The following SNX29 variants were observed in gnomAD, a reference collection of about 807,000 sequenced individuals.
SNX29 encodes sorting nexin-29.
In SNX29, 78 loss-of-function variants were observed where a neutral mutation model predicts 102.1. The ratio of observed to expected loss-of-function variants is 0.76; its 90% CI spans 0.64 to 0.92. The LOEUF is 0.92. Among genes scored for constraint, SNX29 ranks in the 40% least tolerant of loss-of-function variants. The probability of loss-of-function intolerance (pLI) is 0.00; values close to 1 mark genes in which losing one functional copy is unlikely to be tolerated. For synonymous variants in SNX29, 580 were observed against 414.5 expected, an observed-to-expected ratio of 1.40 and a Z score of -4.85; for missense variants, 1,280 against 1,061.7, an observed-to-expected ratio of 1.21 and a Z score of -2.86.
intron 15 of SNX29, among the ~76,000 whole-genome samples, chr16:12,341,032 C>A (rs573329132): frequency 1.3e-5 from 2 of 152,232 alleles, no homozygotes; most frequent in Non-Finnish European, 2.9e-5. Context: ...CTTGAAGAGA[C>A]GTGATGATTA....
rs1246878628 is a variant in SNX29, at chr16:12,525,709, C to CA, written c.2318+876dup. Among the ~76,000 whole-genome samples, 727 of 121,406 alleles carry CA rather than the reference C, an allele frequency of 6.0e-3. 7 individuals carry two copies. The highest frequency in any genetic ancestry group is 0.022 in the African/African-American group (679 of 30,426). 79.6% of individuals were successfully genotyped at this position (121,406 alleles called of 152,430 possible). A position where few individuals can be genotyped will look rare whatever the true frequency, so the allele number is the denominator to read the frequency against. On this transcript the variant is annotated intron_variant, in intron 20 of 20. Coordinates refer to ENST00000566228, the MANE Select transcript of SNX29 (RefSeq NM_032167.5). ...TCCACGCCCCCCCCACCCCCCCCCC[C>CA]AAAAAAAAGAAAAAATCATTACACT...
intron 14 of SNX29, among the ~76,000 whole-genome samples, chr16:12,217,322 C>G (rs2077350228): frequency 6.6e-6 from 1 of 152,196 alleles, no homozygotes; most frequent in Admixed American, 6.5e-5. Flanking sequence ...GCCCAGCCCC[C>G]AACACCTGCT....
chr16:12,146,993 G>A (rs987587674), intron 13 of SNX29, among the ~76,000 whole-genome samples: 4 of 152,310 alleles, frequency 2.6e-5, no homozygotes, highest in South Asian at 2.1e-4. Flanking sequence ...GAGCAATCAC[G>A]TACAAGGGAG....
intron 18 of SNX29, among the ~76,000 whole-genome samples, chr16:12,413,839 A>G (rs1476028370): frequency 6.6e-6 from 1 of 152,156 alleles, no homozygotes; most frequent in African/African-American, 2.4e-5. Context: ...GGTGGTGTCC[A>G]TTGTTCTAAA....
intron 8 of SNX29, among the ~76,000 whole-genome samples, chr16:12,054,577 G>A (rs77382561): frequency 1.3e-5 from 2 of 152,130 alleles, no homozygotes; most frequent in African/African-American, 2.4e-5. Context: ...ATGGCTTTTC[G>A]GCCCTGGGCC....
chr16:12,043,471 T>A (rs552638675), intron 5 of SNX29, among the ~76,000 whole-genome samples: 1 of 151,932 alleles, frequency 6.6e-6, no homozygotes, highest in African/African-American at 2.4e-5. Context: ...CCTCCCACCT[T>A]AGCCTCCTGA....
In SNX29 at chr16:12,570,645, G is replaced by A. The variant is rs1432834630; in HGVS notation, c.*2016G>A. On this transcript the variant is annotated 3_prime_UTR_variant, in exon 21 of 21. Transcript: ENST00000566228. Reference sequence around the variant, plus strand: ...TTGGATAAAGGAACCTCCCCCATCTGTGACATTCCCTTGGGCCCAGGCTTA... The same window carrying A: ...TTGGATAAAGGAACCTCCCCCATCTATGACATTCCCTTGGGCCCAGGCTTA... 1 of 232,068 alleles carries A rather than the reference G, an allele frequency of 4.3e-6. No individual in the cohort carries two copies. The highest frequency in any genetic ancestry group is 2.2e-5 in the African/African-American group (1 of 45,228). 14.4% of individuals were successfully genotyped at this position (232,068 alleles called of 1,614,324 possible).
At chr16:12,164,334 T>C (rs1200692375) in intron 13 of SNX29, among the ~76,000 whole-genome samples, 1 of 152,194 alleles carries the variant, frequency 6.6e-6, no homozygotes, top group African/African-American at 2.4e-5. Flanking sequence ...TTCTGGTTAA[T>C]AGAGTACTAG....
intron 20 of SNX29, among the ~76,000 whole-genome samples, chr16:12,568,244 G>A (rs1257675107): frequency 2.0e-5 from 3 of 150,914 alleles, no homozygotes; most frequent in South Asian, 4.2e-4. Flanking sequence ...GACCGGAACG[G>A]TGGTACCATG....
At chr16:12,431,454 G>GT (rs947621954) in intron 18 of SNX29, among the ~76,000 whole-genome samples, 10 of 118,316 alleles carry the variant, frequency 8.5e-5, no homozygotes, top group East Asian at 2.5e-4. Flanking sequence ...TTTTGTTTTT[G>GT]TTTTTTTGTT....
intron 13 of SNX29, among the ~76,000 whole-genome samples, chr16:12,142,757 G>T (rs1219602287): frequency 1.3e-5 from 2 of 151,804 alleles, no homozygotes; most frequent in Non-Finnish European, 2.9e-5. Flanking sequence ...GTAGAGACGG[G>T]GTTTCATGTT....
intron 13 of SNX29, among the ~76,000 whole-genome samples, chr16:12,131,772 G>T (rs2054477603): frequency 6.6e-6 from 1 of 152,230 alleles, no homozygotes; most frequent in Admixed American, 6.5e-5. Context: ...TCTCTGTGCT[G>T]TTAGATGCTG....
At chr16:12,544,210 G>C (rs189520621) in intron 20 of SNX29, among the ~76,000 whole-genome samples, 2 of 152,332 alleles carry the variant, frequency 1.3e-5, no homozygotes, top group East Asian at 1.9e-4. Flanking sequence ...TCAGAACCGT[G>C]ACAGCCGGTT....
intron 11 of SNX29, among the ~76,000 whole-genome samples, chr16:12,091,800 C>A (rs350230): frequency 2.3e-3 from 341 of 149,244 alleles, no homozygotes; most frequent in African/African-American, 8.1e-3. Context: ...AAAAGGGACC[C>A]CAGAGACCTT....
rs982003163 is a variant in SNX29 at position 12,568,694 on chromosome 16, C to T, written c.*65C>T. 2.3e-5 allele frequency: 37 copies of T among 1,575,688 alleles called. No homozygotes were observed. Among genetic ancestry groups the T allele is most frequent in the South Asian group, 9.0e-5 (8 of 88,544 alleles). On this transcript the variant is annotated 3_prime_UTR_variant, in exon 21 of 21. Transcript: ENST00000566228. ...CAGCTGCGTCCACCCCAGCCACTGC[C>T]GCTGGCCCCTCACCTCAGCGTGACA...
intron 18 of SNX29, among the ~76,000 whole-genome samples, chr16:12,449,985 G>A (rs1337581742): frequency 6.6e-6 from 1 of 152,200 alleles, no homozygotes; most frequent in African/African-American, 2.4e-5. Context: ...GAATCATGGG[G>A]GGCGGTTCCC....
At chr16:12,130,991 A>G (rs2054441414) in intron 13 of SNX29, among the ~76,000 whole-genome samples, 1 of 152,102 alleles carries the variant, frequency 6.6e-6, no homozygotes, top group African/African-American at 2.4e-5. Context: ...TTTTTCCTGT[A>G]TGAGTATATA....
intron 13 of SNX29, among the ~76,000 whole-genome samples, chr16:12,157,191 A>G (rs1204701650): frequency 6.6e-6 from 1 of 152,104 alleles, no homozygotes; most frequent in Admixed American, 6.5e-5. Flanking sequence ...ATCCACCAAC[A>G]TCCACCCCCC....
intron 14 of SNX29, among the ~76,000 whole-genome samples, chr16:12,221,848 C>T (rs1300609331): frequency 6.6e-6 from 1 of 152,136 alleles, no homozygotes; most frequent in Non-Finnish European, 1.5e-5. Flanking sequence ...CCGCATGATC[C>T]CGTGCTTCCT....
Sources: gnomAD v4.1 joint callset for allele counts (sites outside exome capture counted in the v4.1 genomes callset) on GRCh38, gnomAD v4.1.1 for gene constraint, MANE v1.5 for transcripts, NCBI Gene and HGNC (gene_info 2026-07-23, HGNC 2026-07-21) for gene names.